UNC13C: variants seen among roughly 807,000 people sequenced by gnomAD.
UNC13C encodes unc-13 homolog C, also known as protein unc-13 homolog C.
UNC13C carries 174 observed loss-of-function variants against 245.4 expected under a neutral mutation model. The observed-to-expected ratio is 0.71, with a 90% CI of 0.63 to 0.80. UNC13C has a LOEUF of 0.80. UNC13C is among the 30% of genes least tolerant of loss of function. UNC13C has a pLI of 0.00. For synonymous variants in UNC13C, 992 were observed against 895.1 expected, an observed-to-expected ratio of 1.11 and a Z score of -1.93; for missense variants, 2,829 against 2,602.9, an observed-to-expected ratio of 1.09 and a Z score of -1.89.
intron 7 of UNC13C, among the ~76,000 whole-genome samples, chr15:54,238,193 G>A (rs1405154824): frequency 6.7e-6 from 1 of 149,056 alleles, no homozygotes; most frequent in Non-Finnish European, 1.5e-5. Flanking sequence ...TCCTGCCTCA[G>A]CCTCCCTAGT....
chr15:54,118,000 G>A (rs1208338307), intron 2 of UNC13C, among the ~76,000 whole-genome samples: 1 of 151,828 alleles, frequency 6.6e-6, no homozygotes, highest in Non-Finnish European at 1.5e-5. Flanking sequence ...TGTTCCTTTG[G>A]TCTGTGTGTC....
intron 8 of UNC13C, 120 bp downstream of exon 8, chr15:54,250,564 C>T (rs934633508): frequency 1.2e-6 from 1 of 846,106 alleles, no homozygotes; most frequent in Non-Finnish European, 1.8e-6. Context: ...CCCCTCCCAC[C>T]ACTTACACAA....
chr15:53,990,231 T>C (rs1894324826), intron 1 of UNC13C, among the ~76,000 whole-genome samples: 1 of 152,078 alleles, frequency 6.6e-6, no homozygotes, highest in South Asian at 2.1e-4. Context: ...CATTCTCTTA[T>C]TCAGGACTCT....
intron 17 of UNC13C, among the ~76,000 whole-genome samples, chr15:54,368,813 C>A (rs893139067): frequency 4.6e-5 from 7 of 152,202 alleles, no homozygotes; most frequent in African/African-American, 1.4e-4. Context: ...AAATGTCTAT[C>A]ATGACTACGA....
intron 2 of UNC13C, among the ~76,000 whole-genome samples, chr15:54,032,411 C>T (rs1896395825): frequency 6.6e-6 from 1 of 152,178 alleles, no homozygotes; most frequent in South Asian, 2.1e-4. Context: ...TCCCACCTTC[C>T]TGGGTGCCTT....
intron 13 of UNC13C, among the ~76,000 whole-genome samples, chr15:54,319,340 AT>A (rs2038089964): frequency 1.3e-5 from 2 of 151,718 alleles, no homozygotes; most frequent in Non-Finnish European, 2.9e-5. Context: ...AGAATTTTTA[AT>A]TTCTATTTTT....
intron 26 of UNC13C, among the ~76,000 whole-genome samples, chr15:54,541,797 G>T (rs560083636): frequency 6.6e-6 from 1 of 152,136 alleles, no homozygotes; most frequent in African/African-American, 2.4e-5. Flanking sequence ...ACCATGAGAA[G>T]AATTTGTAAG....
chr15:54,109,034 G>T (rs964703169), intron 2 of UNC13C, among the ~76,000 whole-genome samples: 3 of 152,022 alleles, frequency 2.0e-5, no homozygotes, highest in African/African-American at 4.8e-5. Flanking sequence ...TGGGATTCCT[G>T]TACTCACTAC....
intron 29 of UNC13C, 38 bp downstream of exon 29, chr15:54,555,550 G>A (rs1897054704): frequency 1.4e-5 from 21 of 1,515,248 alleles, no homozygotes; most frequent in Non-Finnish European, 1.7e-5. Flanking sequence ...ATCGAGAGAG[G>A]CCCCCATTTA....
chr15:54,322,179 G>A, intron 14 of UNC13C, 84 bp downstream of exon 14: 1 of 1,314,502 alleles, frequency 7.6e-7, no homozygotes, highest in Non-Finnish European at 1.0e-6. Context: ...AGATATTCCT[G>A]GAATCTTATT....
intron 1 of UNC13C, among the ~76,000 whole-genome samples, chr15:53,987,286 C>A (rs1894185246): frequency 6.6e-6 from 1 of 151,896 alleles, no homozygotes; most frequent in Non-Finnish European, 1.5e-5. Context: ...TTTTATTTAG[C>A]TTGGGAGGTA....
chr15:54,605,615 A>G (rs998260100), intron 30 of UNC13C, among the ~76,000 whole-genome samples: 2 of 152,142 alleles, frequency 1.3e-5, no homozygotes, highest in African/African-American at 4.8e-5. Context: ...AAAGTTCCTC[A>G]GGTGTTTCCA....
chr15:54,414,647 A>C (rs982185079), intron 18 of UNC13C, among the ~76,000 whole-genome samples: 1 of 151,272 alleles, frequency 6.6e-6, no homozygotes, highest in Admixed American at 6.6e-5. Flanking sequence ...CTCTGTCTCA[A>C]AAAAAAAAGA....
the UNC13C span, among the ~76,000 whole-genome samples, chr15:53,949,816 A>T: frequency 3.9e-5 from 6 of 152,330 alleles, no homozygotes; most frequent in South Asian, 1.2e-3. Flanking sequence ...CAAGATTCTT[A>T]TGTATACTAA....
the UNC13C span, among the ~76,000 whole-genome samples, chr15:53,882,805 T>C: frequency 2.0e-5 from 3 of 152,160 alleles, no homozygotes; most frequent in Admixed American, 6.6e-5. Context: ...TTTGGAAAAC[T>C]AGTGTTCTTC....
intron 2 of UNC13C, among the ~76,000 whole-genome samples, chr15:54,098,883 T>C (rs1900020988): frequency 6.6e-6 from 1 of 152,158 alleles, no homozygotes; most frequent in African/African-American, 2.4e-5. Context: ...CCTAATATAC[T>C]GCTAAGGAGG....
chr15:54,586,447 T>TC (rs1345816481), intron 30 of UNC13C, among the ~76,000 whole-genome samples: 1 of 152,182 alleles, frequency 6.6e-6, no homozygotes, highest in African/African-American at 2.4e-5. Flanking sequence ...CATGGCCTTT[T>TC]CCCCGTGCAC....
chr15:53,910,996 T>C, the UNC13C span: 4 of 152,194 alleles, frequency 2.6e-5, no homozygotes, highest in Non-Finnish European at 4.4e-5. Flanking sequence ...GGGGCAGCGG[T>C]GCTGCTTGGA....
At chr15:54,629,367 C>CA (rs1291924895), downstream of UNC13C, 2 of 151,940 alleles carry the variant, frequency 1.3e-5, no homozygotes, top group African/African-American at 4.8e-5. Flanking sequence ...TAATCTACAC[C>CA]AAAACCCCCG....
Sources: allele counts gnomAD v4.1 joint callset (sites outside exome capture counted in the v4.1 genomes callset), GRCh38; gene constraint gnomAD v4.1.1; transcripts MANE v1.5; gene names NCBI Gene and HGNC (gene_info 2026-07-23, HGNC 2026-07-21).